RHOU: variants seen among roughly 807,000 people sequenced by gnomAD.
RHOU encodes the protein rho-related GTP-binding protein RhoU.
A neutral mutation model predicts 12.6 loss-of-function variants in RHOU; 8 were observed. That is an observed-to-expected ratio of 0.64 (90% CI 0.37 to 1.15). The LOEUF is 1.15. Ranked by LOEUF, RHOU falls within the 50% of genes most tolerant of loss-of-function variation. The probability of loss-of-function intolerance (pLI) is 0.01; values close to 1 mark genes in which losing one functional copy is unlikely to be tolerated. For missense variants in RHOU, 258 were observed against 347.0 expected (o/e 0.74, Z 2.04); for synonymous variants, 161 against 147.4 (o/e 1.09, Z -0.67).
At chr1:228,668,446 G>A in the RHOU span, among the ~76,000 whole-genome samples, 5 of 152,172 alleles carry the variant, frequency 3.3e-5, no homozygotes, top group Non-Finnish European at 7.3e-5. Context: ...GTGGGACCAA[G>A]CCTTTAACCT....
At chr1:228,716,168 T>A in the RHOU span, among the ~76,000 whole-genome samples, 1 of 152,184 alleles carries the variant, frequency 6.6e-6, no homozygotes, top group Non-Finnish European at 1.5e-5. Flanking sequence ...TCCTCCTGCA[T>A]TGGTCTTCCA....
At chr1:228,646,705 C>A in the RHOU span, among the ~76,000 whole-genome samples, 1 of 151,004 alleles carries the variant, frequency 6.6e-6, no homozygotes, top group South Asian at 2.1e-4. Flanking sequence ...CCCAGACACA[C>A]CCCACCGCCA....
chr1:228,652,810 T>TA, the RHOU span, among the ~76,000 whole-genome samples: 1 of 152,230 alleles, frequency 6.6e-6, no homozygotes, highest in South Asian at 2.1e-4. Flanking sequence ...GCTCTTTACT[T>TA]ATATGTTTTG....
chr1:228,715,524 A>C, the RHOU span, among the ~76,000 whole-genome samples: 80,319 of 151,914 alleles, frequency 0.53, 24,010 homozygotes, highest in African/African-American at 0.84. Context: ...GGTAATATTT[A>C]TACTTTATGG....
At chr1:228,652,508 C>G in the RHOU span, 3 of 152,450 alleles carry the variant, frequency 2.0e-5, no homozygotes, top group African/African-American at 7.2e-5. Context: ...GTAAACCTAT[C>G]CTATATACAC....
At chr1:228,669,980 A>G in the RHOU span, among the ~76,000 whole-genome samples, 2 of 152,208 alleles carry the variant, frequency 1.3e-5, no homozygotes, top group Non-Finnish European at 2.9e-5. Context: ...CCAGGCTCAT[A>G]CACAGTAGCC....
chr1:228,676,131 GC>G, the RHOU span, among the ~76,000 whole-genome samples: 3,179 of 146,406 alleles, frequency 0.022, 144 homozygotes, highest in East Asian at 0.17. Context: ...TGCTGTAACC[GC>G]CCCCCCCCTT....
chr1:228,653,204 C>T, the RHOU span, among the ~76,000 whole-genome samples: 3 of 152,150 alleles, frequency 2.0e-5, no homozygotes, highest in Non-Finnish European at 4.4e-5. Flanking sequence ...GGCTGGAGTG[C>T]GTGGCACGAT....
chr1:228,707,259 T>TATA, the RHOU span, among the ~76,000 whole-genome samples: 2 of 59,272 alleles, frequency 3.4e-5, no homozygotes, highest in African/African-American at 3.1e-4. Context: ...ATATATAGTG[T>TATA]GTGTGTGTGT....
At chr1:228,717,758 G>A in the RHOU span, among the ~76,000 whole-genome samples, 6 of 152,170 alleles carry the variant, frequency 3.9e-5, no homozygotes, top group Non-Finnish European at 5.9e-5. Flanking sequence ...TGAGAGTGGC[G>A]CCCTACTTCC....
At chr1:228,691,580 T>C in the RHOU span, among the ~76,000 whole-genome samples, 1 of 152,352 alleles carries the variant, frequency 6.6e-6, no homozygotes, top group Admixed American at 6.5e-5. Flanking sequence ...AGAGGCTCAA[T>C]AGCTTATTTC....
chr1:228,652,841 A>G, the RHOU span, among the ~76,000 whole-genome samples: 1 of 152,162 alleles, frequency 6.6e-6, no homozygotes, highest in Admixed American at 6.6e-5. Context: ...TTAAGAAAAT[A>G]TTTTCGCTTA....
rs751471076 is a variant in RHOU at position 228,737,647 on chromosome 1, AT to A, written c.263-24del. Reference sequence around the variant, plus strand: ...GAAAGGGGTTAAAAGACACCTCCTGATTGTCATTTTGGTTTTGTTTTTAAGC... The same window carrying A: ...GAAAGGGGTTAAAAGACACCTCCTGATGTCATTTTGGTTTTGTTTTTAAGC... On this transcript the variant is annotated intron_variant, in intron 1 of 2. Coordinates refer to ENST00000366691, the MANE Select transcript of RHOU (RefSeq NM_021205.6). This position sits in a 1 kb window ranked among gnomAD's most constrained non-coding sequence, Gnocchi z 4.1. The A allele has an allele frequency of 1.2e-6, 2 of 1,612,454 alleles. No individual in the cohort carries two copies. Among genetic ancestry groups the A allele is most frequent in the East Asian group, 4.5e-5 (2 of 44,874 alleles).
chr1:228,737,807 T>A lies in RHOU; in HGVS notation c.321+76T>A. On this transcript the variant is annotated intron_variant, in intron 2 of 2. Transcript: ENST00000366691. The surrounding 1 kb of genome is among the most constrained non-coding windows in gnomAD (Gnocchi z 4.1). The stretch of plus-strand genomic sequence containing the variant: ...GATTTCCAAATAACCTTTGATTCCC[T>A]CAGTCAGTAACTGGGTCATTCTAAA... The A allele has an allele frequency of 6.8e-7, 1 of 1,477,462 alleles. No homozygotes were observed. The highest frequency in any genetic ancestry group is 1.7e-5 in the Admixed American group (1 of 58,932). The allele number at this position is 1,477,462 out of a possible 1,614,324, so 91.5% of individuals were successfully genotyped here.
chr1:228,722,797 A>G, the RHOU span, among the ~76,000 whole-genome samples: 1 of 151,714 alleles, frequency 6.6e-6, no homozygotes, highest in African/African-American at 2.4e-5. Flanking sequence ...TAATTTTTCT[A>G]TTTTTGGTAG....
chr1:228,684,768 C>G, the RHOU span, among the ~76,000 whole-genome samples: 2 of 152,144 alleles, frequency 1.3e-5, no homozygotes, highest in Non-Finnish European at 2.9e-5. Context: ...GAAGGAACCA[C>G]AAGGATGACT....
the RHOU span, among the ~76,000 whole-genome samples, chr1:228,723,410 A>G: frequency 1.3e-5 from 2 of 152,212 alleles, no homozygotes; most frequent in African/African-American, 2.4e-5. Flanking sequence ...CCGGCATGTC[A>G]TTCACGCAGC....
chr1:228,653,436 C>T, the RHOU span, among the ~76,000 whole-genome samples: 1 of 152,218 alleles, frequency 6.6e-6, no homozygotes. Context: ...TCTCCTGCCT[C>T]AGCCTTCCAA....
At chr1:228,713,787 T>C in the RHOU span, among the ~76,000 whole-genome samples, 1 of 152,164 alleles carries the variant, frequency 6.6e-6, no homozygotes, top group African/African-American at 2.4e-5. Flanking sequence ...GCTACTGGCA[T>C]TGGAAGTGGG....
Sources: allele counts gnomAD v4.1 joint callset (sites outside exome capture counted in the v4.1 genomes callset), GRCh38; gene constraint gnomAD v4.1.1; non-coding constraint Gnocchi (gnomAD v3.1); transcripts MANE v1.5; gene names NCBI Gene and HGNC (gene_info 2026-07-23, HGNC 2026-07-21).